Variants in SMCHD1 observed in about 807,000 individuals in gnomAD.
SMCHD1 encodes the protein structural maintenance of chromosomes flexible hinge domain-containing protein 1.
A neutral mutation model predicts 254.7 loss-of-function variants in SMCHD1; 78 were observed. The observed-to-expected ratio is 0.31, with a 90% CI of 0.26 to 0.37. SMCHD1 has a LOEUF of 0.37. Ranked by LOEUF, SMCHD1 falls within the 10% of genes least tolerant of loss-of-function variation. SMCHD1 has a pLI of 1.00. For synonymous variants in SMCHD1, 766 were observed against 794.9 expected, an observed-to-expected ratio of 0.96 and a Z score of 0.61; for missense variants, 1,840 against 2,408.1, an observed-to-expected ratio of 0.76 and a Z score of 4.94.
chr18:2,689,249 ACT>A (rs979416865), intron 7 of SMCHD1, among the ~76,000 whole-genome samples: 5 of 137,402 alleles, frequency 3.6e-5, no homozygotes, highest in Non-Finnish European at 7.7e-5. Context: ...ATGGAGTCTC[ACT>A]CTGTCTCCTG....
At chr18:2,707,487 T>A (rs1024874337) in intron 15 of SMCHD1, 76 bp from the exon 16 acceptor site, 5 of 841,754 alleles carry the variant, frequency 5.9e-6, no homozygotes, top group Non-Finnish European at 9.4e-6. Context: ...TTTAAGTTTC[T>A]AATAACTCGT....
intron 5 of SMCHD1, among the ~76,000 whole-genome samples, chr18:2,686,154 G>A (rs1452692586): frequency 6.6e-6 from 1 of 152,020 alleles, no homozygotes; most frequent in Non-Finnish European, 1.5e-5. Context: ...AGATAGTTTT[G>A]CTGAGCATCT....
At chr18:2,792,654 A>G (rs1411523999) in intron 45 of SMCHD1, among the ~76,000 whole-genome samples, 1 of 152,238 alleles carries the variant, frequency 6.6e-6, no homozygotes, top group African/African-American at 2.4e-5. Context: ...ATTCTTCAAA[A>G]TATTATATAT....
intron 34 of SMCHD1, among the ~76,000 whole-genome samples, chr18:2,759,459 TTAGCTTGTTAACTC>T (rs1456481506): frequency 2.7e-5 from 4 of 150,388 alleles, no homozygotes; most frequent in African/African-American, 9.8e-5. Flanking sequence ...ATTTTTTACT[TTAGCTTGTTAACTC>T]TAACATTTTC....
At chr18:2,738,260 C>T (rs945453960) in intron 25 of SMCHD1, 137 bp from the exon 26 acceptor site, 21 of 699,072 alleles carry the variant, frequency 3.0e-5, no homozygotes, top group African/African-American at 5.5e-5. Context: ...TGAACCACAC[C>T]GTTTCTGACC....
chr18:2,674,154 A>C lies in SMCHD1; in HGVS notation c.638+9A>C. 1 of 1,553,966 alleles carries C rather than the reference A, an allele frequency of 6.4e-7. No homozygotes were observed. On this transcript the variant is annotated intron_variant, in intron 5 of 47. Transcript: ENST00000320876. ...CAAGGTGACTTTGAAAGGTTAGAAA[A>C]CCTTACTTTTTTTTTTTTGTGGGTA...
chr18:2,780,237 CTAAA>C (rs1156357857), intron 44 of SMCHD1, among the ~76,000 whole-genome samples: 110 of 29,848 alleles, frequency 3.7e-3, no homozygotes, highest in Non-Finnish European at 4.8e-3. Context: ...AAGACTCTAT[CTAAA>C]AAAAAAAAAA....
At chr18:2,756,364 G>A (rs997407968) in intron 34 of SMCHD1, among the ~76,000 whole-genome samples, 1 of 152,088 alleles carries the variant, frequency 6.6e-6, no homozygotes, top group East Asian at 1.9e-4. Context: ...ACATCATGTA[G>A]CCCTCACAAA....
In SMCHD1 at chr18:2,685,094, A is replaced by ATTTTTTTTTTTTTTTTTTTTTTTTTTTT. The variant is rs372694951; in HGVS notation, c.639-3293_639-3292insTTTTTTTTTTTTTTTTTTTTTTTTTTTT. Among the ~76,000 whole-genome samples the ATTTTTTTTTTTTTTTTTTTTTTTTTTTT allele has an allele frequency of 7.3e-5, 6 of 81,880 alleles. 3 individuals carry two copies. 53.7% of individuals were successfully genotyped at this position (81,880 alleles called of 152,430 possible). A position where few individuals can be genotyped will look rare whatever the true frequency, so the allele number is the denominator to read the frequency against. Reference sequence around the variant, plus strand: ...AGCACACTGTTCTGTTCTGTCCCTTATTTTTTTCTTTTTTTTTTTTTTTTG... The same window carrying ATTTTTTTTTTTTTTTTTTTTTTTTTTTT: ...AGCACACTGTTCTGTTCTGTCCCTTATTTTTTTTTTTTTTTTTTTTTTTTTTTTTTTTTTTCTTTTTTTTTTTTTTTTG... On this transcript the variant is annotated intron_variant, in intron 5 of 47. Coordinates refer to ENST00000320876, the MANE Select transcript of SMCHD1 (RefSeq NM_015295.3).
intron 36 of SMCHD1, 74 bp from the exon 37 acceptor site, chr18:2,763,563 G>C: frequency 8.3e-7 from 1 of 1,207,190 alleles, no homozygotes; most frequent in South Asian, 1.8e-5. Context: ...TATTATTTCT[G>C]ATTTGTACAT....
At chr18:2,758,360 A>G (rs969798802) in intron 34 of SMCHD1, among the ~76,000 whole-genome samples, 2 of 152,082 alleles carry the variant, frequency 1.3e-5, no homozygotes, top group Non-Finnish European at 2.9e-5. Flanking sequence ...TCTAGTAACA[A>G]TTTGTATTTT....
chr18:2,758,979 AT>A (rs1490531326), intron 34 of SMCHD1, among the ~76,000 whole-genome samples: 1 of 151,990 alleles, frequency 6.6e-6, no homozygotes, highest in Non-Finnish European at 1.5e-5. Flanking sequence ...CAGTTAACTA[AT>A]TCTCTCTTCA....
chr18:2,760,613 C>A, intron 34 of SMCHD1, 39 bp from the exon 35 acceptor site: 3 of 1,146,714 alleles, frequency 2.6e-6, no homozygotes, highest in Non-Finnish European at 4.0e-6. Flanking sequence ...CCCCTTTATA[C>A]AAACATTGTC....
At chr18:2,695,381 C>T (rs1312908858) in intron 8 of SMCHD1, among the ~76,000 whole-genome samples, 1 of 150,876 alleles carries the variant, frequency 6.6e-6, no homozygotes, top group East Asian at 1.9e-4. Flanking sequence ...GCACTCTTGG[C>T]TCACTGCAAC....
At chr18:2,722,016 A>G (rs75179507) in intron 19 of SMCHD1, among the ~76,000 whole-genome samples, 6,496 of 152,272 alleles carry the variant, frequency 0.043, 468 homozygotes, top group African/African-American at 0.15. Flanking sequence ...GAGAACAGCC[A>G]ATTTATAGGA....
intron 47 of SMCHD1, among the ~76,000 whole-genome samples, chr18:2,799,735 G>A (rs2076325705): frequency 6.6e-6 from 1 of 151,910 alleles, no homozygotes; most frequent in African/African-American, 2.4e-5. Context: ...ACTCTTTCTT[G>A]TTAATTTTTC....
At chr18:2,744,211 A>G (rs2075405511) in intron 29 of SMCHD1, among the ~76,000 whole-genome samples, 1 of 152,230 alleles carries the variant, frequency 6.6e-6, no homozygotes, top group Non-Finnish European at 1.5e-5. Context: ...AGAATAGTGT[A>G]GCAAACTCCC....
intron 7 of SMCHD1, among the ~76,000 whole-genome samples, chr18:2,692,900 C>G (rs978782712): frequency 6.6e-6 from 1 of 152,212 alleles, no homozygotes; most frequent in Non-Finnish European, 1.5e-5. Flanking sequence ...ATAGGACTTA[C>G]AGAAGATGCT....
At chr18:2,701,661 G>C (rs1046110927) in intron 12 of SMCHD1, among the ~76,000 whole-genome samples, 3 of 152,142 alleles carry the variant, frequency 2.0e-5, no homozygotes, top group Non-Finnish European at 2.9e-5. Context: ...AGATTGATCA[G>C]TATTAAAATA....
Sources: gnomAD v4.1 joint callset for allele counts (sites outside exome capture counted in the v4.1 genomes callset) on GRCh38, gnomAD v4.1.1 for gene constraint, MANE v1.5 for transcripts, NCBI Gene and HGNC (gene_info 2026-07-23, HGNC 2026-07-21) for gene names.